The following OTOF variants were observed in gnomAD, a reference collection of about 807,000 sequenced individuals.
The protein encoded by OTOF is otoferlin.
A neutral mutation model predicts 236.8 loss-of-function variants in OTOF; 218 were observed. The observed-to-expected ratio is 0.92, with a 90% CI of 0.82 to 1.03. The LOEUF (loss-of-function observed/expected upper bound fraction) is 1.03. OTOF is among the 50% of genes least tolerant of loss of function. The pLI, the probability that OTOF is intolerant of heterozygous loss-of-function variation, is 0.00. For missense variants in OTOF, 2,590 were observed against 2,694.4 expected (o/e 0.96, Z 0.86); for synonymous variants, 1,041 against 1,072.5 (o/e 0.97, Z 0.57).
At chr2:26,552,456 A>G (rs1000171917) in intron 1 of OTOF, among the ~76,000 whole-genome samples, 5 of 152,206 alleles carry the variant, frequency 3.3e-5, no homozygotes, top group Admixed American at 1.3e-4. Flanking sequence ...TGGCTAAGAT[A>G]ACCAAGACTT....
At chr2:26,471,073 A>G (rs1211653118) in intron 31 of OTOF, 48 bp downstream of exon 31, 4 of 1,610,134 alleles carry the variant, frequency 2.5e-6, no homozygotes, top group East Asian at 2.2e-5. Flanking sequence ...ATCATTGCCA[A>G]TAAAGGACCC....
intron 1 of OTOF, among the ~76,000 whole-genome samples, chr2:26,537,979 G>A (rs1667115902): frequency 2.0e-5 from 3 of 152,174 alleles, no homozygotes; most frequent in Admixed American, 2.0e-4. Context: ...CGTGAGGGAA[G>A]CGGGTCAAAG....
In OTOF at chr2:26,495,090, G is replaced by A; in HGVS notation, c.766-17C>T. On this transcript the variant is annotated splice_polypyrimidine_tract_variant and intron_variant, in intron 8 of 46. Transcript: ENST00000272371. ...GATGCTGACCTGCAGGCAGGAGAAG[G>A]GGGAGCCAGAAGGAAAGCTGCCTGA... 1 of 1,613,990 alleles carries A rather than the reference G, an allele frequency of 6.2e-7. No homozygotes were observed. Among genetic ancestry groups the A allele is most frequent in the Non-Finnish European group, 8.5e-7 (1 of 1,179,994 alleles).
rs757933573 is a variant in OTOF at position 26,461,841 on chromosome 2, G to A, written c.5388C>T (p.Pro1796=). ...EGNFNWRYLF[P]FDYLAAEEKI... is the part of the protein sequence containing the mutation. ...TCTCCTCCGCCGCCAGGTAGTCGAA[G>A]GGGAACAGGTAGCGCCAGTTGAAGT... The change falls in exon 43 of 47, where the codon CCC becomes CCT. Residue 1796 remains proline, a synonymous_variant. Transcript: ENST00000272371. This position sits in a 1 kb window ranked among gnomAD's most constrained non-coding sequence, Gnocchi z 6.2. 6 of 1,614,210 alleles carry A rather than the reference G, an allele frequency of 3.7e-6. No homozygotes were observed. The highest frequency in any genetic ancestry group is 1.1e-5 in the South Asian group (1 of 91,086).
intron 2 of OTOF, 83 bp downstream of exon 2, chr2:26,537,631 AGT>A: frequency 9.9e-7 from 1 of 1,014,940 alleles, no homozygotes; most frequent in Non-Finnish European, 1.5e-6. Context: ...ATTTGGGGCC[AGT>A]GTGTGCCCGC....
At chr2:26,524,485 G>T (rs1216265928) in intron 3 of OTOF, among the ~76,000 whole-genome samples, 2 of 152,158 alleles carry the variant, frequency 1.3e-5, no homozygotes, top group Non-Finnish European at 2.9e-5. Context: ...CTCCAGCCTG[G>T]GTGACAGAGT....
At chr2:26,502,195 G>A (rs1348688437) in intron 7 of OTOF, 105 bp downstream of exon 7, 31 of 1,247,016 alleles carry the variant, frequency 2.5e-5, no homozygotes, top group Admixed American at 1.3e-4. Flanking sequence ...GGAAGAAGCC[G>A]TCCATGAGCC....
At chr2:26,472,390 C>T in intron 30 of OTOF, 129 bp downstream of exon 30, 1 of 1,188,538 alleles carries the variant, frequency 8.4e-7, no homozygotes, top group South Asian at 1.2e-5. Context: ...AAGCTCAGCC[C>T]CCGACAGTCA....
At chr2:26,536,839 G>T (rs548157939) in intron 2 of OTOF, among the ~76,000 whole-genome samples, 12 of 152,328 alleles carry the variant, frequency 7.9e-5, no homozygotes, top group Non-Finnish European at 1.6e-4. Flanking sequence ...AGAACCTACA[G>T]CAGCCAGAGG....
At chr2:26,521,262 T>A (rs1320915330) in intron 3 of OTOF, among the ~76,000 whole-genome samples, 1 of 152,240 alleles carries the variant, frequency 6.6e-6, no homozygotes, top group Non-Finnish European at 1.5e-5. Context: ...CCCTAGGACC[T>A]GTCGAGCACC....
Position 26,458,166 on chromosome 2 carries a change from G to T in OTOF, c.*72C>A. Reference sequence around the variant, plus strand: ...GCCACTTGTACCGGGTGCAGATGAGGTACTTGATGGACTTGAGAGGGTTGA... The same window carrying T: ...GCCACTTGTACCGGGTGCAGATGAGTTACTTGATGGACTTGAGAGGGTTGA... On this transcript the variant is annotated 3_prime_UTR_variant, in exon 47 of 47. Coordinates refer to ENST00000272371, the MANE Select transcript of OTOF (RefSeq NM_194248.3). 1 of 1,613,640 alleles carries T rather than the reference G, an allele frequency of 6.2e-7. No homozygotes were observed. The highest frequency in any genetic ancestry group is 8.5e-7 in the Non-Finnish European group (1 of 1,179,738).
At chr2:26,556,789 AGTGGGCCT>A (rs554403104) in intron 1 of OTOF, among the ~76,000 whole-genome samples, 33 of 152,324 alleles carry the variant, frequency 2.2e-4, no homozygotes, top group Admixed American at 2.1e-3. Flanking sequence ...TCGGCCTGCA[AGTGGGCCT>A]GTCCGGTGCA....
At chr2:26,458,478 C>G (rs959554066) in intron 46 of OTOF, among the ~76,000 whole-genome samples, 2 of 152,234 alleles carry the variant, frequency 1.3e-5, no homozygotes, top group African/African-American at 4.8e-5. Flanking sequence ...CATGGGGCAG[C>G]CTTGGCCCTG....
In OTOF at chr2:26,516,453, G is replaced by A; in HGVS notation, c.474C>T (p.Pro158=). 1 of 1,613,982 alleles carries A rather than the reference G, an allele frequency of 6.2e-7. No individual in the cohort carries two copies. Among genetic ancestry groups the A allele is most frequent in the Non-Finnish European group, 8.5e-7 (1 of 1,179,994 alleles). Reference sequence around the variant, plus strand: ...TCTTCTCTCCTGGGGGCCGGGAGCTGGGCCGGGAGCCTGGGAGCAGTCCAT... The same window carrying A: ...TCTTCTCTCCTGGGGGCCGGGAGCTAGGCCGGGAGCCTGGGAGCAGTCCAT... ...ETDGLLPGSR[P]SSRPPGEKSF... is the part of the protein sequence containing the mutation. Residue 158 remains proline (P), a synonymous_variant, in exon 5 of 47, where the codon CCC becomes CCT. Transcript: ENST00000272371.
At chr2:26,498,047 C>T (rs144851487) in intron 8 of OTOF, among the ~76,000 whole-genome samples, 9 of 152,312 alleles carry the variant, frequency 5.9e-5, no homozygotes, top group Middle Eastern at 3.4e-3. Context: ...TGGCATCTAC[C>T]GAAGATAAGC....
rs945681815 is a variant in OTOF, at chr2:26,457,917, G to A, written c.*321C>T. ...GCCCCCGCAAGCAGGAGGCAGGCTC[G>A]GCCCAAGGCATGAAGAGTGGACGCT... On this transcript the variant is annotated 3_prime_UTR_variant, in exon 47 of 47. Coordinates refer to ENST00000272371, the MANE Select transcript of OTOF (RefSeq NM_194248.3). This position sits in a 1 kb window ranked among gnomAD's most constrained non-coding sequence, Gnocchi z 4.4. 3.0e-5 allele frequency: 31 copies of A among 1,023,098 alleles called. No individual in the cohort carries two copies. The highest frequency in any genetic ancestry group is 1.1e-4 in the Admixed American group (5 of 45,228). 63.4% of individuals were successfully genotyped at this position (1,023,098 alleles called of 1,614,324 possible). A position where few individuals can be genotyped will look rare whatever the true frequency, so the allele number is the denominator to read the frequency against.
intron 18 of OTOF, 140 bp downstream of exon 18, chr2:26,479,124 G>T: frequency 2.7e-6 from 3 of 1,106,826 alleles, no homozygotes; most frequent in Non-Finnish European, 3.9e-6. Context: ...ACCTGGGGCT[G>T]AGAATGGGAA....
Position 26,473,024 on chromosome 2 carries a change from C to T in OTOF, c.3733+108G>A, listed in dbSNP as rs1665069186. ...TGACCTTCTTCTATGCCCACCCCCT[C>T]GGCCCCAAAGAGCAAACTCTGGTCG... On this transcript the variant is annotated intron_variant, in intron 29 of 46. Transcript: ENST00000272371. This position sits in a 1 kb window ranked among gnomAD's most constrained non-coding sequence, Gnocchi z 7.2. 8 of 1,231,210 alleles carry T rather than the reference C, an allele frequency of 6.5e-6. No homozygotes were observed. Among genetic ancestry groups the T allele is most frequent in the Middle Eastern group, 2.8e-4 (1 of 3,526 alleles). 76.3% of individuals were successfully genotyped at this position (1,231,210 alleles called of 1,614,324 possible).
At chr2:26,504,575 C>A (rs1666202131) in intron 5 of OTOF, among the ~76,000 whole-genome samples, 1 of 152,022 alleles carries the variant, frequency 6.6e-6, no homozygotes, top group African/African-American at 2.4e-5. Context: ...GAACTTATGG[C>A]AGGCTCCATA....
Sources: gnomAD v4.1 joint callset for allele counts (sites outside exome capture counted in the v4.1 genomes callset) on GRCh38, gnomAD v4.1.1 for gene constraint, Gnocchi (gnomAD v3.1) non-coding constraint, MANE v1.5 for transcripts, NCBI Gene and HGNC (gene_info 2026-07-23, HGNC 2026-07-21) for gene names.